GDI2: variants seen among roughly 807,000 people sequenced by gnomAD.
The protein encoded by GDI2 is rab GDP dissociation inhibitor beta.
GDI2 carries 22 observed loss-of-function variants against 54.2 expected under a neutral mutation model. That is an observed-to-expected ratio of 0.41 (90% CI 0.29 to 0.58). The LOEUF is 0.58. Ranked by LOEUF, GDI2 falls within the 20% of genes least tolerant of loss-of-function variation. The pLI is 0.35. For missense variants in GDI2, 422 were observed against 546.0 expected (o/e 0.77, Z 2.26); for synonymous variants, 177 against 182.1 (o/e 0.97, Z 0.23).
At chr10:5,794,013 A>T (rs1841075021) in intron 4 of GDI2, among the ~76,000 whole-genome samples, 1 of 150,670 alleles carries the variant, frequency 6.6e-6, no homozygotes. Flanking sequence ...AAAATACAAA[A>T]ATTAGCCGGG....
In GDI2 at chr10:5,813,252, C is replaced by G; in HGVS notation, c.7G>C (p.Glu3Gln). 6.3e-7 allele frequency: 1 copy of G among 1,597,666 alleles called. No homozygotes were observed. Among genetic ancestry groups the G allele is most frequent in the South Asian group, 1.1e-5 (1 of 88,744 alleles). ...CCCAGCACGATCACGTCGTACTCCTCATTCATGGCGGGGCAGGCGCGGACG... is the reference window on the plus strand; with the variant it reads ...CCCAGCACGATCACGTCGTACTCCTGATTCATGGCGGGGCAGGCGCGGACG... The part of the protein sequence containing the change: MN[E>Q]EYDVIVLGTG... Residue 3 changes from glutamate (E) to glutamine (Q), a missense_variant, in exon 1 of 11, where the codon GAG becomes CAG. Physicochemically the swap from Glu to Gln is conservative, Grantham distance 29. Coordinates refer to ENST00000380191, the MANE Select transcript of GDI2 (RefSeq NM_001494.4).
chr10:5,796,720 G>A (rs1564396862), intron 3 of GDI2, 43 bp downstream of exon 3: 1 of 929,592 alleles, frequency 1.1e-6, no homozygotes, highest in Non-Finnish European at 1.8e-6. Context: ...TATTAAAATT[G>A]TAATCAAAGT....
intron 1 of GDI2, among the ~76,000 whole-genome samples, chr10:5,805,906 G>T (rs1554790689): frequency 6.6e-6 from 1 of 152,220 alleles, no homozygotes; most frequent in Non-Finnish European, 1.5e-5. Flanking sequence ...GGGTAACACA[G>T]CTGTAGACGA....
Position 5,776,787 on chromosome 10 carries a change from C to G in GDI2, c.720-2846G>C. Reference sequence around the variant, plus strand: ...AAGGACATTCCAATCCCCAATCTTCCTCCCTTGGATTTTCCATCTCCAGAA... The same window carrying G: ...AAGGACATTCCAATCCCCAATCTTCGTCCCTTGGATTTTCCATCTCCAGAA... On this transcript the variant is annotated intron_variant, in intron 6 of 10. Transcript: ENST00000380191. This position sits in a 1 kb window ranked among gnomAD's most constrained non-coding sequence, Gnocchi z 5.3. 2 of 1,531,982 alleles carry G rather than the reference C, an allele frequency of 1.3e-6. No individual in the cohort carries two copies. Among genetic ancestry groups the G allele is most frequent in the Non-Finnish European group, 1.8e-6 (2 of 1,112,134 alleles). 94.9% of individuals were successfully genotyped at this position (1,531,982 alleles called of 1,614,324 possible). A position where few individuals can be genotyped will look rare whatever the true frequency, so the allele number is the denominator to read the frequency against.
Position 5,800,704 on chromosome 10 carries a change from T to A in GDI2, c.47A>T (p.Glu16Val), listed in dbSNP as rs1016814314. 6.8e-7 allele frequency: 1 copy of A among 1,479,060 alleles called. No homozygotes were observed. The highest frequency in any genetic ancestry group is 9.5e-7 in the Non-Finnish European group (1 of 1,057,090). The allele number at this position is 1,479,060 out of a possible 1,614,324, so 91.6% of individuals were successfully genotyped here. The change falls in exon 2 of 11, where the codon GAA becomes GTA. Residue 16 changes from glutamate (E) to valine (V), a missense_variant and splice_region_variant. Physicochemically the swap from Glu to Val is moderately radical, Grantham distance 121. Transcript: ENST00000380191. ...DVIVLGTGLT[E>V]CILSGIMSVN... ...TGACATTATACCTGACAGGATACATTCCTATAGAAAAAGCATAGTACCTTG... is the reference window on the plus strand; with the variant it reads ...TGACATTATACCTGACAGGATACATACCTATAGAAAAAGCATAGTACCTTG...
chr10:5,799,813 A>C (rs1588985697), intron 2 of GDI2, among the ~76,000 whole-genome samples: 1 of 152,226 alleles, frequency 6.6e-6, no homozygotes, highest in African/African-American at 2.4e-5. Flanking sequence ...GAATGCTGAA[A>C]TATTTTGCTC....
intron 1 of GDI2, among the ~76,000 whole-genome samples, chr10:5,812,970 C>T (rs1303530331): frequency 2.0e-5 from 3 of 152,364 alleles, no homozygotes; most frequent in Admixed American, 2.0e-4. Context: ...CGTCACCCCG[C>T]CCCGAGCCTC....
Position 5,774,891 on chromosome 10 carries a change from G to C in GDI2, c.720-950C>G, listed in dbSNP as rs1269506814. On this transcript the variant is annotated intron_variant, in intron 6 of 10. Transcript: ENST00000380191. This position sits in a 1 kb window ranked among gnomAD's most constrained non-coding sequence, Gnocchi z 4.8. ...CATTTCTCTGGATTCACACCCAGGGGAAGGGGAAGGGCAAGGGCAAGGGCA... is the reference window on the plus strand; with the variant it reads ...CATTTCTCTGGATTCACACCCAGGGCAAGGGGAAGGGCAAGGGCAAGGGCA... Among the ~76,000 whole-genome samples the C allele has an allele frequency of 1.3e-5, 2 of 152,032 alleles. No individual in the cohort carries two copies.
chr10:5,794,704 T>C (rs1021730635), intron 4 of GDI2, among the ~76,000 whole-genome samples, 181 bp downstream of exon 4: 1 of 152,220 alleles, frequency 6.6e-6, no homozygotes. Flanking sequence ...TTCAAACGGG[T>C]AGGAATTTTT....
Position 5,766,441 on chromosome 10 carries a change from ACAAT to A in GDI2, c.1136+49_1136+52del. On this transcript the variant is annotated intron_variant, in intron 9 of 10. Coordinates refer to ENST00000380191, the MANE Select transcript of GDI2 (RefSeq NM_001494.4). The surrounding 1 kb of genome is among the most constrained non-coding windows in gnomAD (Gnocchi z 5.8). Reference sequence around the variant, plus strand: ...CTCACATTCGTCCCACCATGGAGCCACAATCAAAGGCCTCAGTTTGCATCTCGGC... The same window carrying A: ...CTCACATTCGTCCCACCATGGAGCCACAAAGGCCTCAGTTTGCATCTCGGC... 1.2e-6 allele frequency: 2 copies of A among 1,600,938 alleles called. No homozygotes were observed. The highest frequency in any genetic ancestry group is 1.7e-6 in the Non-Finnish European group (2 of 1,169,068).
intron 6 of GDI2, among the ~76,000 whole-genome samples, chr10:5,777,445 G>T (rs1840651347): frequency 1.3e-5 from 2 of 152,160 alleles, no homozygotes; most frequent in African/African-American, 4.8e-5. Flanking sequence ...TCCAACTCCA[G>T]CCTGGGTGAC....
chr10:5,805,625 ATCCTCCTGCCTTGTCC>A (rs1393661860), intron 1 of GDI2, among the ~76,000 whole-genome samples: 1 of 152,164 alleles, frequency 6.6e-6, no homozygotes, highest in Non-Finnish European at 1.5e-5. Context: ...TGCTCAAGCA[ATCCTCCTGCCTTGTCC>A]TCCCAAAGTG....
At chr10:5,773,976 T>C (rs755306233) in intron 6 of GDI2, 35 bp from the exon 7 acceptor site, 10 of 869,528 alleles carry the variant, frequency 1.2e-5, no homozygotes, top group Non-Finnish European at 1.7e-5. Context: ...TAATAATATA[T>C]AGTTGTTTCA....
At position 5,776,788 on chromosome 10, in the gene GDI2, TC is replaced by T. The variant is rs1840631854; in HGVS notation, c.720-2848del. 2 of 1,528,530 alleles carry T rather than the reference TC, an allele frequency of 1.3e-6. No homozygotes were observed. The highest frequency in any genetic ancestry group is 1.8e-6 in the Non-Finnish European group (2 of 1,111,034). 94.7% of individuals were successfully genotyped at this position (1,528,530 alleles called of 1,614,324 possible). The stretch of plus-strand genomic sequence containing the variant: ...AGGACATTCCAATCCCCAATCTTCC[TC>T]CCTTGGATTTTCCATCTCCAGAACT... On this transcript the variant is annotated intron_variant, in intron 6 of 10. Coordinates refer to ENST00000380191, the MANE Select transcript of GDI2 (RefSeq NM_001494.4). This position sits in a 1 kb window ranked among gnomAD's most constrained non-coding sequence, Gnocchi z 5.3.
At chr10:5,773,964 A>G in intron 6 of GDI2, 23 bp from the exon 7 acceptor site, 1 of 946,044 alleles carries the variant, frequency 1.1e-6, no homozygotes, top group Non-Finnish European at 1.7e-6. Flanking sequence ...TAAAATCCCA[A>G]TTAATAATAT....
intron 2 of GDI2, among the ~76,000 whole-genome samples, chr10:5,798,122 T>C (rs529307985): frequency 3.3e-5 from 5 of 152,338 alleles, no homozygotes; most frequent in Admixed American, 2.0e-4. Flanking sequence ...ATTGTCCTTT[T>C]GTTCTTTTAT....
chr10:5,800,852 G>A (rs910165518), intron 1 of GDI2, 147 bp from the exon 2 acceptor site: 2 of 603,626 alleles, frequency 3.3e-6, no homozygotes, highest in Non-Finnish European at 6.0e-6. Context: ...AAGCCCTTAA[G>A]AAACCAGGGG....
intron 2 of GDI2, among the ~76,000 whole-genome samples, chr10:5,800,393 T>C (rs2175629): frequency 0.96 from 145,605 of 152,282 alleles, 69,965 homozygotes; most frequent in East Asian, 1. Context: ...TCTCTGTTAA[T>C]GCTAAGAGAT....
chr10:5,811,830 A>G, intron 1 of GDI2: 1 of 516,828 alleles, frequency 1.9e-6, no homozygotes, highest in South Asian at 1.7e-5. Flanking sequence ...CTATAAACAG[A>G]AAAATGACAG....
Sources: gnomAD v4.1 joint callset for allele counts (sites outside exome capture counted in the v4.1 genomes callset) on GRCh38, gnomAD v4.1.1 for gene constraint, Gnocchi (gnomAD v3.1) non-coding constraint, MANE v1.5 for transcripts, NCBI Gene and HGNC (gene_info 2026-07-23, HGNC 2026-07-21) for gene names.